The following DOCK8 variants were observed in gnomAD, a reference collection of about 807,000 sequenced individuals.
DOCK8 encodes dedicator of cytokinesis 8.
DOCK8 carries 141 observed loss-of-function variants against 245.6 expected under a neutral mutation model. The ratio of observed to expected loss-of-function variants is 0.57; its 90% CI spans 0.50 to 0.66. DOCK8 has a LOEUF of 0.66. Ranked by LOEUF, DOCK8 falls within the 30% of genes least tolerant of loss-of-function variation. The pLI, the probability that DOCK8 is intolerant of heterozygous loss-of-function variation, is 0.00. For synonymous variants in DOCK8, 1,168 were observed against 970.2 expected, an observed-to-expected ratio of 1.20 and a Z score of -3.79; for missense variants, 2,965 against 2,603.4, an observed-to-expected ratio of 1.14 and a Z score of -3.02.
At chr9:239,026 A>G (rs922257935) in intron 1 of DOCK8, among the ~76,000 whole-genome samples, 1 of 152,192 alleles carries the variant, frequency 6.6e-6, no homozygotes, top group Non-Finnish European at 1.5e-5. Flanking sequence ...AAACCGGAGT[A>G]CCCTGAGAAA....
chr9:424,788 G>C (rs1050896985), intron 33 of DOCK8, among the ~76,000 whole-genome samples: 1 of 152,176 alleles, frequency 6.6e-6, no homozygotes, highest in Non-Finnish European at 1.5e-5. Flanking sequence ...CTACTGAACT[G>C]TATACTTACA....
rs1370699160 is a variant in DOCK8 at position 271,623 on chromosome 9, C to T, written c.54-4C>T. On this transcript the variant is annotated splice_region_variant and splice_polypyrimidine_tract_variant and intron_variant, in intron 1 of 47. Coordinates refer to ENST00000432829, the MANE Select transcript of DOCK8 (RefSeq NM_203447.4). Reference sequence around the variant, plus strand: ...TCATTTAGATTTTTCTATTTTAATCCAAGGTATTCTTCAGCGGAAATAAGG... The same window carrying T: ...TCATTTAGATTTTTCTATTTTAATCTAAGGTATTCTTCAGCGGAAATAAGG... 1 of 1,534,548 alleles carries T rather than the reference C, an allele frequency of 6.5e-7. No individual in the cohort carries two copies. Among genetic ancestry groups the T allele is most frequent in the East Asian group, 2.5e-5 (1 of 40,720 alleles).
At chr9:376,123 A>G (rs942643992) in intron 18 of DOCK8, 87 bp from the exon 19 acceptor site, 132 of 929,544 alleles carry the variant, frequency 1.4e-4, no homozygotes, top group Non-Finnish European at 2.1e-4. Flanking sequence ...TAACCCTGAC[A>G]TTTCCAGTCA....
At chr9:445,098 G>A (rs1308622849) in intron 43 of DOCK8, among the ~76,000 whole-genome samples, 1 of 152,156 alleles carries the variant, frequency 6.6e-6, no homozygotes, top group East Asian at 1.9e-4. Flanking sequence ...CCCTAGCCTC[G>A]GCTTGAAAGC....
chr9:393,943 C>G (rs983216978), intron 24 of DOCK8, among the ~76,000 whole-genome samples: 1 of 152,210 alleles, frequency 6.6e-6, no homozygotes, highest in Non-Finnish European at 1.5e-5. Flanking sequence ...AGAAGCCTTT[C>G]TCTATGCTAG....
chr9:421,668 C>T (rs1334204382), intron 32 of DOCK8, among the ~76,000 whole-genome samples: 2 of 152,122 alleles, frequency 1.3e-5, no homozygotes, highest in Non-Finnish European at 2.9e-5. Context: ...TTATTGTATT[C>T]GAAGGGACAC....
At chr9:438,509 T>G (rs1175148743) in intron 39 of DOCK8, among the ~76,000 whole-genome samples, 2 of 152,226 alleles carry the variant, frequency 1.3e-5, no homozygotes, top group African/African-American at 4.8e-5. Flanking sequence ...GGGCCAGTGC[T>G]AGGGTGAAGA....
intron 26 of DOCK8, among the ~76,000 whole-genome samples, chr9:403,964 A>ATATATATATGTGTATATATATATATGTG (rs1564021789): frequency 0.015 from 1,108 of 75,560 alleles, 24 homozygotes; most frequent in Non-Finnish European, 0.02. Context: ...ATATATGTAT[A>ATATATATATGTGTATATATATATATGTG]TATATATATA....
intron 1 of DOCK8, among the ~76,000 whole-genome samples, chr9:245,116 C>T (rs12346806): frequency 0.012 from 1,812 of 152,242 alleles, 38 homozygotes; most frequent in African/African-American, 0.041. Context: ...GTCTCACACT[C>T]ACTCCACAAG....
chr9:429,006 C>A (rs865884414), intron 35 of DOCK8, among the ~76,000 whole-genome samples: 1 of 152,202 alleles, frequency 6.6e-6, no homozygotes. Flanking sequence ...CTCGCTCTAT[C>A]GCCCAGGCTG....
At chr9:232,496 G>A (rs1425456840) in intron 1 of DOCK8, among the ~76,000 whole-genome samples, 1 of 152,078 alleles carries the variant, frequency 6.6e-6, no homozygotes, top group Non-Finnish European at 1.5e-5. Context: ...TGTACCTCTG[G>A]TAGAATTTGG....
intron 1 of DOCK8, among the ~76,000 whole-genome samples, chr9:255,254 A>G (rs1186230006): frequency 6.6e-6 from 1 of 152,216 alleles, no homozygotes; most frequent in African/African-American, 2.4e-5. Context: ...AACGATCCTG[A>G]GACTCTTTTG....
chr9:268,165 A>G (rs908314740), intron 1 of DOCK8: 6 of 152,206 alleles, frequency 3.9e-5, no homozygotes, highest in Non-Finnish European at 8.8e-5. Flanking sequence ...ATATGAAGCA[A>G]TTCTTTTCCA....
At position 433,859 on chromosome 9, in the gene DOCK8, C is replaced by T; in HGVS notation, c.4786-16C>T. On this transcript the variant is annotated splice_polypyrimidine_tract_variant and intron_variant, in intron 37 of 47. Coordinates refer to ENST00000432829, the MANE Select transcript of DOCK8 (RefSeq NM_203447.4). ...CTACAAAGCTAAGATTATTTTGAGG[C>T]TTACACTTTTTGCAGGTGGAGGAAC... The T allele has an allele frequency of 6.3e-7, 1 of 1,595,468 alleles. No homozygotes were observed. Among genetic ancestry groups the T allele is most frequent in the African/African-American group, 1.3e-5 (1 of 74,666 alleles).
intron 24 of DOCK8, among the ~76,000 whole-genome samples, chr9:394,112 C>T (rs895185313): frequency 6.6e-6 from 1 of 152,152 alleles, no homozygotes; most frequent in African/African-American, 2.4e-5. Flanking sequence ...GAGTAACTAC[C>T]TGGGCCTCTC....
intron 26 of DOCK8, among the ~76,000 whole-genome samples, chr9:401,078 A>ACTACCCATCT (rs1258406183): frequency 5.3e-5 from 1 of 18,870 alleles, no homozygotes; most frequent in African/African-American, 8.2e-5. Flanking sequence ...CATCATCACC[A>ACTACCCATCT]CCACCACCTC....
chr9:270,999 G>A (rs1425479899), intron 1 of DOCK8, among the ~76,000 whole-genome samples: 1 of 152,198 alleles, frequency 6.6e-6, no homozygotes, highest in Non-Finnish European at 1.5e-5. Flanking sequence ...AGACAGTGGG[G>A]AACAATTTCC....
intron 14 of DOCK8, among the ~76,000 whole-genome samples, chr9:364,906 A>G (rs1255479665): frequency 6.6e-6 from 1 of 152,256 alleles, no homozygotes; most frequent in East Asian, 1.9e-4. Context: ...CAAATAGAAC[A>G]GTAGGAAGAC....
intron 39 of DOCK8, 126 bp downstream of exon 39, chr9:435,101 T>C: frequency 5.5e-6 from 6 of 1,082,570 alleles, no homozygotes; most frequent in Non-Finnish European, 8.2e-6. Flanking sequence ...GATGGGTGAG[T>C]AGGTGCTACT....
Sources: allele counts gnomAD v4.1 joint callset (sites outside exome capture counted in the v4.1 genomes callset), GRCh38; gene constraint gnomAD v4.1.1; transcripts MANE v1.5; gene names NCBI Gene and HGNC (gene_info 2026-07-23, HGNC 2026-07-21).